HSPG2: variants seen among roughly 807,000 people sequenced by gnomAD.
HSPG2 encodes basement membrane-specific heparan sulfate proteoglycan core protein.
In HSPG2, 278 loss-of-function variants were observed where a neutral mutation model predicts 526.6. The observed-to-expected ratio is 0.53, with a 90% CI of 0.48 to 0.58. The LOEUF (loss-of-function observed/expected upper bound fraction) is 0.58. HSPG2 is among the 20% of genes least tolerant of loss of function. The probability of loss-of-function intolerance (pLI) is 0.00; values close to 1 mark genes in which losing one functional copy is unlikely to be tolerated. For missense variants in HSPG2, 5,354 were observed against 6,099.5 expected (o/e 0.88, Z 4.07); for synonymous variants, 2,465 against 2,555.4 (o/e 0.96, Z 1.07).
At chr1:21,926,787 A>G (rs865888169) in intron 1 of HSPG2, among the ~76,000 whole-genome samples, 45 of 92,012 alleles carry the variant, frequency 4.9e-4, no homozygotes, top group East Asian at 1.1e-3. Flanking sequence ...AAAAAAAAAA[A>G]AGAGAGAAAG....
In HSPG2 at chr1:21,829,581, G is replaced by A. The variant is rs768902884; in HGVS notation, c.11794C>T (p.Leu3932=). The part of the protein sequence containing the change: ...EEGVTVTTPS[L]SGAGSYLALP... ...GCCAGGTAGGAGCCAGCACCCGACA[G>A]CGAGGGGGTGGTCACTGTCACACCT... Residue 3932 remains leucine (L), a synonymous_variant, in exon 87 of 97, where the codon CTG becomes TTG. Coordinates refer to ENST00000374695, the MANE Select transcript of HSPG2 (RefSeq NM_005529.7). 3.7e-6 allele frequency: 6 copies of A among 1,607,554 alleles called. No individual in the cohort carries two copies. Among genetic ancestry groups the A allele is most frequent in the South Asian group, 2.2e-5 (2 of 90,866 alleles).
At position 21,848,094 on chromosome 1, in the gene HSPG2, C is replaced by A; in HGVS notation, c.7738-1G>T. The A allele has an allele frequency of 6.3e-7, 1 of 1,594,068 alleles. No individual in the cohort carries two copies. ...GGATCCGCAGCCGGGAGCCCACGAT[C>A]TGCAGGAAGCAGATGGCAGGAGGTA... On this transcript the variant is annotated splice_acceptor_variant, in intron 59 of 96. Coordinates refer to ENST00000374695, the MANE Select transcript of HSPG2 (RefSeq NM_005529.7). LOFTEE classifies it high-confidence loss of function. This position sits in a 1 kb window ranked among gnomAD's most constrained non-coding sequence, Gnocchi z 4.9.
Position 21,847,440 on chromosome 1 carries a change from T to C in HSPG2, c.8078A>G (p.Glu2693Gly). 1 of 1,613,856 alleles carries C rather than the reference T, an allele frequency of 6.2e-7. No individual in the cohort carries two copies. The highest frequency in any genetic ancestry group is 8.5e-7 in the Non-Finnish European group (1 of 1,180,018). Residue 2693 changes from glutamate (E) to glycine (G), a missense_variant, in exon 62 of 97, where the codon GAG becomes GGG. Coordinates refer to ENST00000374695, the MANE Select transcript of HSPG2 (RefSeq NM_005529.7). The surrounding 1 kb of genome is among the most constrained non-coding windows in gnomAD (Gnocchi z 4.1). ...LHQMSVADSG[E>G]YVCRANNNID... ...GTTGTTGTTGGCCCGGCACACATAC[T>C]CGCCCGAGTCAGCCACAGACATTTG...
At chr1:21,829,805 G>A (rs2097994278) in intron 86 of HSPG2, 188 bp downstream of exon 86, 1 of 704,830 alleles carries the variant, frequency 1.4e-6, no homozygotes, top group Non-Finnish European at 2.4e-6. Flanking sequence ...TATGACAGGG[G>A]TCCTCTTTGG....
At chr1:21,842,945 G>A (rs886129136) in intron 66 of HSPG2, 24 bp from the exon 67 acceptor site, 4 of 1,613,794 alleles carry the variant, frequency 2.5e-6, no homozygotes, top group Non-Finnish European at 3.4e-6. Flanking sequence ...GGGTGGGTGA[G>A]AGAGGCCAGG....
rs139926503 is a variant in HSPG2, at chr1:21,854,970, C to G, written c.6011G>C (p.Arg2004Pro). The G allele has an allele frequency of 6.2e-7, 1 of 1,613,142 alleles. No individual in the cohort carries two copies. The highest frequency in any genetic ancestry group is 1.3e-5 in the African/African-American group (1 of 75,068). Residue 2004 changes from arginine (R) to proline (P), a missense_variant, in exon 48 of 97, where the codon CGC becomes CCC. Coordinates refer to ENST00000374695, the MANE Select transcript of HSPG2 (RefSeq NM_005529.7). Reference protein sequence around the residue: ...GSLPPQARSERTDIATLLIPA... With the variant: ...GSLPPQARSEPTDIATLLIPA... ...GATGAGCAGTGTCGCGATGTCTGTGCGCTCTGACCGGGCCTGCCGTGGGTG... is the reference window on the plus strand; with the variant it reads ...GATGAGCAGTGTCGCGATGTCTGTGGGCTCTGACCGGGCCTGCCGTGGGTG...
In HSPG2 at chr1:21,857,090, C is replaced by T. The variant is rs1433300543; in HGVS notation, c.5500G>A (p.Asp1834Asn). 6.8e-6 allele frequency: 11 copies of T among 1,614,070 alleles called. No homozygotes were observed. The highest frequency in any genetic ancestry group is 9.3e-6 in the Non-Finnish European group (11 of 1,180,046). ...ILTIRNVQLS[D>N]AGTYVCTGSN... ...CCGGTGCACACGTAGGTGCCTGCATCACTCAGCTGGACGTTGCGAATGGTC... is the reference window on the plus strand; with the variant it reads ...CCGGTGCACACGTAGGTGCCTGCATTACTCAGCTGGACGTTGCGAATGGTC... The change falls in exon 44 of 97, where the codon GAT (aspartate) becomes AAT (asparagine). Residue 1834 changes from aspartate (D) to asparagine (N), a missense_variant. Asp to Asn is a conservative substitution (Grantham distance 23). Transcript: ENST00000374695.
chr1:21,891,697 A>C (rs1642376027), intron 3 of HSPG2, among the ~76,000 whole-genome samples: 2 of 152,040 alleles, frequency 1.3e-5, no homozygotes, highest in Non-Finnish European at 2.9e-5. Flanking sequence ...TGCAGCCTCA[A>C]ACTCTAAGGC....
chr1:21,860,008 G>T lies in HSPG2; in HGVS notation c.5015-6C>A, dbSNP rs1639666529. The T allele has an allele frequency of 6.2e-7, 1 of 1,609,592 alleles. No homozygotes were observed. Among genetic ancestry groups the T allele is most frequent in the Admixed American group, 1.7e-5 (1 of 59,674 alleles). On this transcript the variant is annotated splice_polypyrimidine_tract_variant and splice_region_variant and intron_variant, in intron 40 of 96. Coordinates refer to ENST00000374695, the MANE Select transcript of HSPG2 (RefSeq NM_005529.7). ...CACCAGTGGGGCTTGGTTTGCTGGG[G>T]GTGGGGGCCGGGACAGGAAGGGCCT...
At chr1:21,902,859 C>G (rs148796759) in intron 1 of HSPG2, among the ~76,000 whole-genome samples, 1,955 of 152,332 alleles carry the variant, frequency 0.013, 22 homozygotes, top group Non-Finnish European at 0.018. Flanking sequence ...CCTCCTTTAC[C>G]TTTTAGCTAA....
Position 21,843,496 on chromosome 1 carries a change from C to A in HSPG2, c.8617-58G>T. 1.9e-6 allele frequency: 3 copies of A among 1,557,306 alleles called. No homozygotes were observed. The South Asian group carries it at 3.5e-5, about 18-fold the overall frequency. On this transcript the variant is annotated intron_variant, in intron 65 of 96. Coordinates refer to ENST00000374695, the MANE Select transcript of HSPG2 (RefSeq NM_005529.7). The stretch of plus-strand genomic sequence containing the variant: ...AGCTGGGAGCCTTCAGATGCCCAGG[C>A]CTCTGGTACCCACACCCTGGGACTG...
chr1:21,859,614 G>A lies in HSPG2; in HGVS notation c.5245C>T (p.Arg1749Cys), dbSNP rs751244526. 11 of 1,608,832 alleles carry A rather than the reference G, an allele frequency of 6.8e-6. No individual in the cohort carries two copies. Among genetic ancestry groups the A allele is most frequent in the Admixed American group, 1.7e-5 (1 of 59,272 alleles). The change falls in exon 42 of 97, where the codon CGT (arginine) becomes TGT (cysteine). Residue 1749 changes from arginine (R) to cysteine (C), a missense_variant. Transcript: ENST00000374695. The surrounding 1 kb of genome is among the most constrained non-coding windows in gnomAD (Gnocchi z 5.3). ...SDAGVYICTC[R>C]NLHQSNTSRA... ...CTGGTATTGGATTGGTGGAGATTACGGCAGGTGCAAATGTAGACCCCAGCA... is the reference window on the plus strand; with the variant it reads ...CTGGTATTGGATTGGTGGAGATTACAGCAGGTGCAAATGTAGACCCCAGCA...
chr1:21,934,070 C>A lies in HSPG2; in HGVS notation c.63+3085G>T, dbSNP rs540859197. Among the ~76,000 whole-genome samples, 5 of 152,340 alleles carry A rather than the reference C, an allele frequency of 3.3e-5. No individual in the cohort carries two copies. The East Asian group carries it at 7.7e-4, about 24-fold the overall frequency. On this transcript the variant is annotated intron_variant, in intron 1 of 96. Coordinates refer to ENST00000374695, the MANE Select transcript of HSPG2 (RefSeq NM_005529.7). Reference sequence around the variant, plus strand: ...AAGGGGTCAGCAGGCCAAGGCCTGCCGAGTCACCCAGGCCCAGCCCCCTCC... The same window carrying A: ...AAGGGGTCAGCAGGCCAAGGCCTGCAGAGTCACCCAGGCCCAGCCCCCTCC...
chr1:21,876,611 G>A lies in HSPG2; in HGVS notation c.2727C>T (p.Gly909=), dbSNP rs1012750775. The change falls in exon 22 of 97, where the codon GGC becomes GGT. Residue 909 remains glycine (G), a synonymous_variant. Coordinates refer to ENST00000374695, the MANE Select transcript of HSPG2 (RefSeq NM_005529.7). ...VGRLCNECAD[G]SFHLSTRNPD... ...GGTTTCGGGTACTCAGGTGGAAAGA[G>A]CCGTCAGCACATTCATTGCACAAGC... is the stretch of plus-strand genomic sequence containing the variant. 6.2e-7 allele frequency: 1 copy of A among 1,614,242 alleles called. No homozygotes were observed. The highest frequency in any genetic ancestry group is 2.2e-5 in the East Asian group (1 of 44,884).
In HSPG2 at chr1:21,831,481, G is replaced by A. The variant is rs202093324; in HGVS notation, c.11434C>T (p.Leu3812=). 6.2e-7 allele frequency: 1 copy of A among 1,614,080 alleles called. No homozygotes were observed. Among genetic ancestry groups the A allele is most frequent in the Non-Finnish European group, 8.5e-7 (1 of 1,179,964 alleles). The change falls in exon 83 of 97, where the codon CTG becomes TTG. Residue 3812 remains leucine, a synonymous_variant. Transcript: ENST00000374695. The part of the protein sequence containing the change: ...PDYGAIPKAG[L]SSGFIGCVRE... ...GGCTCACCTATGAAGCCGCTGCTCA[G>A]CCCCGCCTTGGGGATGGCACCATAG...
chr1:21,855,435 G>A lies in HSPG2; in HGVS notation c.5866C>T (p.Pro1956Ser). ...AVLHVHGGGGPRVQVSPERTQ... is the reference protein window; with the variant it reads ...AVLHVHGGGGSRVQVSPERTQ... ...CTCTCTGGGCTCACTTGGACTCTGGGCCCACCGCCCCCTGCAGACAGAGTC... is the reference window on the plus strand; with the variant it reads ...CTCTCTGGGCTCACTTGGACTCTGGACCCACCGCCCCCTGCAGACAGAGTC... Residue 1956 changes from proline (P) to serine (S), a missense_variant, in exon 47 of 97, where the codon CCC becomes TCC. Transcript: ENST00000374695. 1 of 1,613,204 alleles carries A rather than the reference G, an allele frequency of 6.2e-7. No individual in the cohort carries two copies. The highest frequency in any genetic ancestry group is 2.2e-5 in the East Asian group (1 of 44,866).
chr1:21,868,830 C>T lies in HSPG2; in HGVS notation c.4222-3021G>A, dbSNP rs572505139. The T allele has an allele frequency of 4.4e-4, 244 of 555,528 alleles. 2 individuals carry two copies. In the African/African-American group the frequency reaches 4.6e-3, roughly 11 times the overall value. The allele number at this position is 555,528 out of a possible 1,614,324, so 34.4% of individuals were successfully genotyped here. ...TCATAAAGGGCCTTGACAAAGGGCC[C>T]TCTGATATTTTGGGATTCTATGACA... On this transcript the variant is annotated intron_variant, in intron 33 of 96. Transcript: ENST00000374695.
At chr1:21,923,181 C>T (rs950596455) in intron 1 of HSPG2, among the ~76,000 whole-genome samples, 3 of 152,160 alleles carry the variant, frequency 2.0e-5, no homozygotes, top group Non-Finnish European at 2.9e-5. Flanking sequence ...CCAAGGGAGG[C>T]GGATCACCTG....
chr1:21,864,964 A>G lies in HSPG2; in HGVS notation c.4505T>C (p.Leu1502Pro). Reference sequence around the variant, plus strand: ...GCTGACTGCGCTGATGCTGGCCGCCAGCGGCACGGAGGAGAACGTGGCCCG... The same window carrying G: ...GCTGACTGCGCTGATGCTGGCCGCCGGCGGCACGGAGGAGAACGTGGCCCG... ...LIRATFSSVP[L>P]AASISAVSLE... The change falls in exon 36 of 97, where the codon CTG becomes CCG. Residue 1502 changes from leucine (L) to proline (P), a missense_variant. Coordinates refer to ENST00000374695, the MANE Select transcript of HSPG2 (RefSeq NM_005529.7). The surrounding 1 kb of genome is among the most constrained non-coding windows in gnomAD (Gnocchi z 4.8). 1 of 1,597,266 alleles carries G rather than the reference A, an allele frequency of 6.3e-7. No homozygotes were observed. The highest frequency in any genetic ancestry group is 8.5e-7 in the Non-Finnish European group (1 of 1,173,938).
Sources: allele counts gnomAD v4.1 joint callset (sites outside exome capture counted in the v4.1 genomes callset), GRCh38; gene constraint gnomAD v4.1.1; non-coding constraint Gnocchi (gnomAD v3.1); transcripts MANE v1.5; gene names NCBI Gene and HGNC (gene_info 2026-07-23, HGNC 2026-07-21).